SLC24A3: variants seen among roughly 807,000 people sequenced by gnomAD.
The protein encoded by SLC24A3 is sodium/potassium/calcium exchanger 3.
Under a neutral mutation model 75.8 loss-of-function variants are expected in SLC24A3, and 28 were observed. That is an observed-to-expected ratio of 0.37 (90% CI 0.27 to 0.51). The LOEUF (loss-of-function observed/expected upper bound fraction) is 0.51. SLC24A3 is among the 20% of genes least tolerant of loss of function. The probability of loss-of-function intolerance (pLI) is 0.94; values close to 1 mark genes in which losing one functional copy is unlikely to be tolerated. For missense variants in SLC24A3, 663 were observed against 847.8 expected (o/e 0.78, Z 2.71); for synonymous variants, 372 against 334.1 (o/e 1.11, Z -1.24).
intron 3 of SLC24A3, among the ~76,000 whole-genome samples, chr20:19,539,149 G>T (rs2030452562): frequency 6.6e-6 from 1 of 152,168 alleles, no homozygotes; most frequent in Non-Finnish European, 1.5e-5. Context: ...TGTTTCTTGG[G>T]CTGATTACAG....
intron 1 of SLC24A3, among the ~76,000 whole-genome samples, chr20:19,248,398 C>T (rs962606122): frequency 6.6e-6 from 1 of 152,154 alleles, no homozygotes; most frequent in Admixed American, 6.5e-5. Flanking sequence ...TAAACTTTAA[C>T]ATTTTTTCTC....
rs370781188 is a variant in SLC24A3, at chr20:19,462,473, G to A, written c.272-53015G>A. On this transcript the variant is annotated intron_variant, in intron 2 of 16. Transcript: ENST00000328041. ...TGCTGTTGCCTGGGGTTGGGGCAGG[G>A]CACACACTTGAGAACCACTGCCCTG... 2.6e-5 allele frequency among the ~76,000 whole-genome samples: 4 copies of A among 152,276 alleles called. No homozygotes were observed. The East Asian group carries it at 5.8e-4, about 22-fold the overall frequency.
chr20:19,328,711 G>C (rs888935012), intron 2 of SLC24A3, among the ~76,000 whole-genome samples: 1 of 152,152 alleles, frequency 6.6e-6, no homozygotes, highest in Non-Finnish European at 1.5e-5. Flanking sequence ...TGTGTCCTGG[G>C]TGTCCCAGTT....
At chr20:19,333,278 A>T (rs1309022012) in intron 2 of SLC24A3, among the ~76,000 whole-genome samples, 2 of 152,128 alleles carry the variant, frequency 1.3e-5, no homozygotes, top group East Asian at 3.8e-4. Flanking sequence ...GTTGGTTATG[A>T]AGAGTGGTAC....
At chr20:19,499,994 CCT>C (rs2122541186) in intron 2 of SLC24A3, among the ~76,000 whole-genome samples, 1 of 152,262 alleles carries the variant, frequency 6.6e-6, no homozygotes, top group East Asian at 1.9e-4. Flanking sequence ...CTGAATACTC[CCT>C]GTTATCCTCC....
At chr20:19,662,096 TG>T (rs139318699) in intron 7 of SLC24A3, among the ~76,000 whole-genome samples, 1,782 of 152,306 alleles carry the variant, frequency 0.012, 36 homozygotes, top group African/African-American at 0.041. Context: ...AGGGTATCTT[TG>T]GATGAACCAC....
chr20:19,544,236 A>G (rs1462580009), intron 3 of SLC24A3, among the ~76,000 whole-genome samples: 2 of 152,206 alleles, frequency 1.3e-5, no homozygotes, highest in Middle Eastern at 3.2e-3. Context: ...TCTAAAAGCA[A>G]TTCCAAAGAA....
chr20:19,684,177 A>G lies in SLC24A3; in HGVS notation c.903A>G (p.Ala301=). The part of the protein sequence containing the change: ...CDATVVLLKK[A]NFHRKASVIM... Reference sequence around the variant, plus strand: ...ACCTTATGTTTTTCGTTTCCCTAGCAAATTTCCACCGCAAAGCATCAGTGA... The same window carrying G: ...ACCTTATGTTTTTCGTTTCCCTAGCGAATTTCCACCGCAAAGCATCAGTGA... Residue 301 remains alanine, a splice_region_variant and synonymous_variant, in exon 11 of 17, where the codon GCA becomes GCG. Transcript: ENST00000328041. The G allele has an allele frequency of 1.9e-6, 3 of 1,611,816 alleles. No homozygotes were observed. The highest frequency in any genetic ancestry group is 2.5e-6 in the Non-Finnish European group (3 of 1,178,076).
chr20:19,425,043 A>G (rs1191091556), intron 2 of SLC24A3, among the ~76,000 whole-genome samples: 2 of 151,932 alleles, frequency 1.3e-5, no homozygotes, highest in Non-Finnish European at 2.9e-5. Context: ...AGTGACTTAC[A>G]CCTGTAATCC....
At chr20:19,405,521 C>G (rs1395176936) in intron 2 of SLC24A3, among the ~76,000 whole-genome samples, 1 of 152,188 alleles carries the variant, frequency 6.6e-6, no homozygotes, top group Non-Finnish European at 1.5e-5. Context: ...ACTTAGTACC[C>G]TGGCCACATG....
intron 6 of SLC24A3, among the ~76,000 whole-genome samples, chr20:19,631,966 T>C (rs1180095356): frequency 2.6e-5 from 4 of 152,062 alleles, no homozygotes; most frequent in Non-Finnish European, 5.9e-5. Context: ...TTTCCTTCTC[T>C]AGAGAATGGC....
At chr20:19,485,252 G>A (rs1441119346) in intron 2 of SLC24A3, among the ~76,000 whole-genome samples, 1 of 152,156 alleles carries the variant, frequency 6.6e-6, no homozygotes, top group African/African-American at 2.4e-5. Context: ...GCCAACACTG[G>A]CAGCAGCCTC....
chr20:19,639,917 G>A lies in SLC24A3; in HGVS notation c.613-14145G>A, dbSNP rs553241372. Reference sequence around the variant, plus strand: ...CCTGGGCCGGCAGGGCCGGCTGGCCGGCTGCTCCGAGTGCGGGGGCTGCCA... The same window carrying A: ...CCTGGGCCGGCAGGGCCGGCTGGCCAGCTGCTCCGAGTGCGGGGGCTGCCA... On this transcript the variant is annotated intron_variant, in intron 6 of 16. Transcript: ENST00000328041. 2.6e-5 allele frequency among the ~76,000 whole-genome samples: 4 copies of A among 152,366 alleles called. No individual in the cohort carries two copies. The South Asian group carries it at 8.3e-4, about 32-fold the overall frequency.
At chr20:19,495,604 G>A (rs1295706756) in intron 2 of SLC24A3, among the ~76,000 whole-genome samples, 1 of 152,208 alleles carries the variant, frequency 6.6e-6, no homozygotes, top group African/African-American at 2.4e-5. Flanking sequence ...GGAAAGGCAA[G>A]GCTGGCCAAA....
chr20:19,332,022 G>A (rs1202267181), intron 2 of SLC24A3, among the ~76,000 whole-genome samples: 1 of 152,202 alleles, frequency 6.6e-6, no homozygotes, highest in Non-Finnish European at 1.5e-5. Flanking sequence ...AGACGGAGGT[G>A]CTTGAGGAAC....
intron 1 of SLC24A3, among the ~76,000 whole-genome samples, chr20:19,259,148 G>A (rs1332491592): frequency 1.3e-5 from 2 of 152,180 alleles, no homozygotes; most frequent in Non-Finnish European, 2.9e-5. Flanking sequence ...GTATGGCTTT[G>A]CTACTGAGGG....
chr20:19,587,155 G>A (rs934287525), intron 6 of SLC24A3, among the ~76,000 whole-genome samples: 12 of 152,170 alleles, frequency 7.9e-5, no homozygotes, highest in Non-Finnish European at 4.4e-5. Context: ...GCTGTTATTA[G>A]TGTTGTCATT....
chr20:19,633,648 CAAA>C (rs61251598), intron 6 of SLC24A3, among the ~76,000 whole-genome samples: 4 of 85,106 alleles, frequency 4.7e-5, no homozygotes, highest in Non-Finnish European at 4.3e-5. Context: ...GACTCCGTCT[CAAA>C]AAAAAAAAAA....
At chr20:19,633,669 AAG>A (rs2031965580) in intron 6 of SLC24A3, among the ~76,000 whole-genome samples, 1 of 151,310 alleles carries the variant, frequency 6.6e-6, no homozygotes, top group African/African-American at 2.4e-5. Context: ...AAAAAAAAAA[AAG>A]AATGCCAGTA....
Sources: gnomAD v4.1 joint callset for allele counts (sites outside exome capture counted in the v4.1 genomes callset) on GRCh38, gnomAD v4.1.1 for gene constraint, MANE v1.5 for transcripts, NCBI Gene and HGNC (gene_info 2026-07-23, HGNC 2026-07-21) for gene names.